PTPRD: variants seen among roughly 807,000 people sequenced by gnomAD.
The protein encoded by PTPRD is receptor-type tyrosine-protein phosphatase delta.
PTPRD carries 34 observed loss-of-function variants against 214.5 expected under a neutral mutation model. The observed-to-expected ratio is 0.16, with a 90% CI of 0.12 to 0.21. PTPRD has a LOEUF of 0.21. Among genes scored for constraint, PTPRD ranks in the 10% least tolerant of loss-of-function variants. The probability of loss-of-function intolerance (pLI) is 1.00; values close to 1 mark genes in which losing one functional copy is unlikely to be tolerated. For missense variants in PTPRD, 2,545 were observed against 2,398.7 expected (o/e 1.06, Z -1.27); for synonymous variants, 1,128 against 845.7 (o/e 1.33, Z -5.79).
intron 11 of PTPRD, among the ~76,000 whole-genome samples, chr9:8,961,418 T>C (rs2099158145): frequency 6.6e-6 from 1 of 152,116 alleles, no homozygotes; most frequent in Admixed American, 6.6e-5. Context: ...CTGACCTTGA[T>C]CCTGGAATAC....
At chr9:8,902,159 C>T (rs774773073) in intron 11 of PTPRD, among the ~76,000 whole-genome samples, 23 of 151,978 alleles carry the variant, frequency 1.5e-4, no homozygotes, top group South Asian at 6.2e-4. Context: ...AGGCTTCCAC[C>T]AGAGTTTCTA....
intron 3 of PTPRD, among the ~76,000 whole-genome samples, chr9:10,334,561 A>T (rs2096810224): frequency 6.6e-6 from 1 of 151,656 alleles, no homozygotes; most frequent in Non-Finnish European, 1.5e-5. Flanking sequence ...TGGAAATCAT[A>T]GATAATATTA....
At chr9:9,491,822 C>T (rs555656917) in intron 8 of PTPRD, among the ~76,000 whole-genome samples, 32 of 152,044 alleles carry the variant, frequency 2.1e-4, no homozygotes, top group Non-Finnish European at 4.4e-4. Context: ...ACTCAACAAT[C>T]TATCTTTACA....
rs115546538 is a variant in PTPRD at position 8,373,199 on chromosome 9, A to C, written c.4661+2737T>G. On this transcript the variant is annotated intron_variant, in intron 39 of 45. Coordinates refer to ENST00000381196, the MANE Select transcript of PTPRD (RefSeq NM_002839.4). The stretch of plus-strand genomic sequence containing the variant: ...ATAACTGTCATTTAAGAATGACTTT[A>C]ATCTGCTGCTTTGTCACAAAACATT... Among the ~76,000 whole-genome samples the C allele has an allele frequency of 6.4e-3, 978 of 152,030 alleles. 13 individuals carry two copies. The highest frequency in any genetic ancestry group is 0.022 in the African/African-American group (924 of 41,484).
intron 8 of PTPRD, among the ~76,000 whole-genome samples, chr9:9,556,608 A>T (rs1430293672): frequency 6.6e-6 from 1 of 152,152 alleles, no homozygotes. Flanking sequence ...AATAATTTTC[A>T]GTAAGTTATT....
intron 11 of PTPRD, among the ~76,000 whole-genome samples, chr9:8,809,994 T>C (rs149371005): frequency 1.2e-3 from 186 of 152,316 alleles, no homozygotes; most frequent in African/African-American, 4.2e-3. Context: ...GACAGCTGTG[T>C]AGTAAGACAA....
intron 12 of PTPRD, among the ~76,000 whole-genome samples, chr9:8,710,452 C>CA (rs894794356): frequency 6.6e-6 from 1 of 151,896 alleles, no homozygotes; most frequent in African/African-American, 2.4e-5. Context: ...CCCGTCTCTA[C>CA]AAAAAATACA....
intron 5 of PTPRD, among the ~76,000 whole-genome samples, chr9:9,801,071 G>GA (rs2099036690): frequency 6.6e-6 from 1 of 151,816 alleles, no homozygotes; most frequent in Non-Finnish European, 1.5e-5. Context: ...ATTTGAGAAG[G>GA]AAAAAAGAAT....
At chr9:9,901,906 C>T (rs1417466027) in intron 5 of PTPRD, among the ~76,000 whole-genome samples, 3 of 152,134 alleles carry the variant, frequency 2.0e-5, no homozygotes, top group African/African-American at 4.8e-5. Flanking sequence ...TGCGAGAACT[C>T]GCTCACCATC....
intron 10 of PTPRD, among the ~76,000 whole-genome samples, chr9:9,095,611 A>G (rs1262919539): frequency 6.6e-6 from 1 of 152,116 alleles, no homozygotes; most frequent in Non-Finnish European, 1.5e-5. Context: ...ATTATAGACG[A>G]GCCACCACAC....
intron 11 of PTPRD, among the ~76,000 whole-genome samples, chr9:8,974,355 C>G (rs2099256177): frequency 6.6e-6 from 1 of 151,990 alleles, no homozygotes; most frequent in African/African-American, 2.4e-5. Flanking sequence ...AAAAAAATTA[C>G]AGTTCTACTA....
intron 9 of PTPRD, among the ~76,000 whole-genome samples, chr9:9,347,712 A>T (rs1357037856): frequency 6.6e-6 from 1 of 152,184 alleles, no homozygotes; most frequent in Non-Finnish European, 1.5e-5. Flanking sequence ...GTACATCTAC[A>T]TTCCACTAAT....
At chr9:10,180,547 T>C (rs2099276187) in intron 3 of PTPRD, among the ~76,000 whole-genome samples, 1 of 149,210 alleles carries the variant, frequency 6.7e-6, no homozygotes, top group Non-Finnish European at 1.5e-5. Context: ...AGATGAAAAT[T>C]GCCTATTTTA....
At chr9:10,178,000 T>C (rs2099259508) in intron 3 of PTPRD, among the ~76,000 whole-genome samples, 1 of 151,916 alleles carries the variant, frequency 6.6e-6, no homozygotes, top group Non-Finnish European at 1.5e-5. Context: ...AGGAGCACTT[T>C]CTAGTTGTTA....
At chr9:10,129,680 TGCAAG>T (rs1387989622) in intron 3 of PTPRD, among the ~76,000 whole-genome samples, 2 of 152,056 alleles carry the variant, frequency 1.3e-5, no homozygotes, top group Admixed American at 1.3e-4. Flanking sequence ...TTGGTCAGTA[TGCAAG>T]CTGGTACATT....
At chr9:10,381,686 A>C (rs929084677) in intron 2 of PTPRD, among the ~76,000 whole-genome samples, 2 of 151,986 alleles carry the variant, frequency 1.3e-5, no homozygotes, top group Admixed American at 1.3e-4. Flanking sequence ...TCAGGAAACT[A>C]GGATGTAGTT....
chr9:8,394,986 C>G (rs1307719415), intron 36 of PTPRD, among the ~76,000 whole-genome samples: 1 of 152,076 alleles, frequency 6.6e-6, no homozygotes, highest in Non-Finnish European at 1.5e-5. Context: ...CAGAATCCCA[C>G]CGTGGCTCCA....
Position 8,507,362 on chromosome 9 carries a change from G to T in PTPRD, c.1616C>A (p.Pro539Gln), listed in dbSNP as rs780474561. The change falls in exon 22 of 46, where the codon CCA becomes CAA. Residue 539 changes from proline to glutamine, a missense_variant. Transcript: ENST00000381196. ...ATAGTTGGCAATGGTATCTGAACGT[G>T]GAGGTGTCCAAGAGAGCAAAATACT... is the stretch of plus-strand genomic sequence containing the variant. ...ETSILLSWTP[P>Q]RSDTIANYEL... 2 of 1,613,856 alleles carry T rather than the reference G, an allele frequency of 1.2e-6. No homozygotes were observed. The highest frequency in any genetic ancestry group is 1.7e-6 in the Non-Finnish European group (2 of 1,179,882).
At chr9:10,591,934 C>T (rs1288640376) in intron 2 of PTPRD, among the ~76,000 whole-genome samples, 1 of 152,084 alleles carries the variant, frequency 6.6e-6, no homozygotes, top group Non-Finnish European at 1.5e-5. Context: ...TAACTCCCAC[C>T]CCTGACAATT....
Sources: allele counts gnomAD v4.1 joint callset (sites outside exome capture counted in the v4.1 genomes callset), GRCh38; gene constraint gnomAD v4.1.1; transcripts MANE v1.5; gene names NCBI Gene and HGNC (gene_info 2026-07-23, HGNC 2026-07-21).